Variants in ARHGAP42 observed in about 807,000 individuals in gnomAD.
The protein encoded by ARHGAP42 is rho GTPase-activating protein 42.
A neutral mutation model predicts 125.0 loss-of-function variants in ARHGAP42; 63 were observed. The observed-to-expected ratio is 0.50, with a 90% CI of 0.41 to 0.62. The LOEUF is 0.62. Among genes scored for constraint, ARHGAP42 ranks in the 20% least tolerant of loss-of-function variants. The pLI is 0.00. For synonymous variants in ARHGAP42, 339 were observed against 351.0 expected (o/e 0.97, Z 0.38); for missense variants, 766 against 1,024.2 (o/e 0.75, Z 3.44).
chr11:100,830,364 T>C (rs1864636225), intron 3 of ARHGAP42, among the ~76,000 whole-genome samples: 1 of 152,168 alleles, frequency 6.6e-6, no homozygotes, highest in Non-Finnish European at 1.5e-5. Context: ...CCTGTGACTG[T>C]AATTTGAGTG....
chr11:100,822,341 A>G (rs1864422805), intron 3 of ARHGAP42, among the ~76,000 whole-genome samples: 1 of 152,138 alleles, frequency 6.6e-6, no homozygotes, highest in African/African-American at 2.4e-5. Flanking sequence ...ATTAGTGTCC[A>G]AATGAGTTTC....
chr11:100,974,676 T>G (rs1858343477), intron 19 of ARHGAP42, 73 bp downstream of exon 19: 6 of 1,385,146 alleles, frequency 4.3e-6, no homozygotes, highest in Non-Finnish European at 5.7e-6. Flanking sequence ...TATTGGTAAT[T>G]AGGTAGAAAT....
intron 4 of ARHGAP42, among the ~76,000 whole-genome samples, chr11:100,880,900 G>C (rs1204194748): frequency 6.6e-6 from 1 of 151,838 alleles, no homozygotes; most frequent in Non-Finnish European, 1.5e-5. Flanking sequence ...ACCTTCTTTT[G>C]AGAATTTTTT....
chr11:100,846,189 G>T (rs145774026), intron 3 of ARHGAP42, among the ~76,000 whole-genome samples: 1 of 152,096 alleles, frequency 6.6e-6, no homozygotes, highest in African/African-American at 2.4e-5. Flanking sequence ...CTGAAACTTG[G>T]CATGCTTAAG....
chr11:100,713,973 C>G (rs760408952), intron 1 of ARHGAP42, among the ~76,000 whole-genome samples: 10 of 152,088 alleles, frequency 6.6e-5, no homozygotes, highest in Non-Finnish European at 1.3e-4. Flanking sequence ...CTCTTCTGTT[C>G]TTTTGCTGAA....
At chr11:100,777,275 T>G (rs1863152657) in intron 2 of ARHGAP42, among the ~76,000 whole-genome samples, 1 of 152,192 alleles carries the variant, frequency 6.6e-6, no homozygotes, top group Non-Finnish European at 1.5e-5. Flanking sequence ...GGTGCAAATA[T>G]TTATTGTTTG....
At chr11:100,912,400 A>T (rs1193462214) in intron 4 of ARHGAP42, among the ~76,000 whole-genome samples, 1 of 151,906 alleles carries the variant, frequency 6.6e-6, no homozygotes, top group Non-Finnish European at 1.5e-5. Context: ...TGAACTTGTT[A>T]AAAAAAATCA....
chr11:100,783,498 G>A (rs1365770432), intron 2 of ARHGAP42, among the ~76,000 whole-genome samples: 1 of 152,146 alleles, frequency 6.6e-6, no homozygotes, highest in Non-Finnish European at 1.5e-5. Flanking sequence ...AGGCACAGTG[G>A]GAGGGTGGTA....
intron 4 of ARHGAP42, among the ~76,000 whole-genome samples, chr11:100,885,600 G>T (rs1360510250): frequency 3.3e-5 from 5 of 152,212 alleles, no homozygotes; most frequent in Admixed American, 6.5e-5. Flanking sequence ...TTCATAAAGA[G>T]ATTTTGCAAA....
intron 3 of ARHGAP42, among the ~76,000 whole-genome samples, chr11:100,847,665 C>T (rs188532808): frequency 7.2e-5 from 11 of 152,112 alleles, no homozygotes; most frequent in African/African-American, 1.4e-4. Flanking sequence ...CAAGCTAAGG[C>T]GGCGGGGAGA....
At chr11:100,747,084 T>C (rs115034314) in intron 1 of ARHGAP42, among the ~76,000 whole-genome samples, 5,675 of 152,280 alleles carry the variant, frequency 0.037, 112 homozygotes, top group African/African-American at 0.07. Context: ...TGCTGATGTA[T>C]TGGAAACTCC....
intron 3 of ARHGAP42, among the ~76,000 whole-genome samples, chr11:100,854,919 G>T (rs563828015): frequency 6.6e-6 from 1 of 152,130 alleles, no homozygotes; most frequent in African/African-American, 2.4e-5. Context: ...AAATATGAAT[G>T]GGAAAATAAC....
At chr11:100,947,862 C>T (rs1868066524) in intron 10 of ARHGAP42, among the ~76,000 whole-genome samples, 1 of 151,942 alleles carries the variant, frequency 6.6e-6, no homozygotes, top group Non-Finnish European at 1.5e-5. Flanking sequence ...CCCTTCCTCT[C>T]CCTAGTCTTT....
At chr11:100,766,745 C>T (rs1862839106) in intron 1 of ARHGAP42, among the ~76,000 whole-genome samples, 2 of 151,984 alleles carry the variant, frequency 1.3e-5, no homozygotes, top group Non-Finnish European at 2.9e-5. Flanking sequence ...GTTTTTTTGA[C>T]CTCATCATTA....
chr11:100,780,501 T>G (rs1433914287), intron 2 of ARHGAP42, among the ~76,000 whole-genome samples: 4 of 152,200 alleles, frequency 2.6e-5, no homozygotes. Context: ...GGCAGAACAG[T>G]GATGAAGTTG....
At chr11:100,934,391 A>G (rs1867675629) in intron 7 of ARHGAP42, among the ~76,000 whole-genome samples, 1 of 152,164 alleles carries the variant, frequency 6.6e-6, no homozygotes, top group African/African-American at 2.4e-5. Flanking sequence ...AAAAAAAAAT[A>G]AGAAAAAATA....
intron 18 of ARHGAP42, among the ~76,000 whole-genome samples, chr11:100,973,977 T>G (rs1858321608): frequency 6.6e-6 from 1 of 152,122 alleles, no homozygotes; most frequent in African/African-American, 2.4e-5. Context: ...GCACAAGCTC[T>G]CTCACAATGC....
intron 1 of ARHGAP42, among the ~76,000 whole-genome samples, chr11:100,715,349 T>C (rs1861641491): frequency 6.6e-6 from 1 of 152,122 alleles, no homozygotes; most frequent in African/African-American, 2.4e-5. Context: ...TGCAATGGTT[T>C]AACCCAGTGA....
intron 3 of ARHGAP42, among the ~76,000 whole-genome samples, chr11:100,845,092 T>G (rs551788844): frequency 6.6e-6 from 1 of 151,348 alleles, no homozygotes; most frequent in East Asian, 1.9e-4. Context: ...TATATATATA[T>G]ACACACACAC....
Sources: allele counts gnomAD v4.1 joint callset (sites outside exome capture counted in the v4.1 genomes callset), GRCh38; gene constraint gnomAD v4.1.1; transcripts MANE v1.5; gene names NCBI Gene and HGNC (gene_info 2026-07-23, HGNC 2026-07-21).